RGPD5: variants seen among roughly 807,000 people sequenced by gnomAD.
The protein encoded by RGPD5 is RANBP2-like and GRIP domain-containing protein 5/6.
the RGPD5 span, among the ~76,000 whole-genome samples, chr2:109,763,286 A>G: frequency 3.3e-5 from 5 of 150,708 alleles, no homozygotes; most frequent in African/African-American, 1.2e-4. Flanking sequence ...GTTTTAGCTC[A>G]TTTAATTATA....
At chr2:109,760,679 G>A in the RGPD5 span, among the ~76,000 whole-genome samples, 1 of 145,522 alleles carries the variant, frequency 6.9e-6, no homozygotes, top group Non-Finnish European at 1.5e-5. Flanking sequence ...CTTCGGCGGC[G>A]GCGGCGGTAG....
chr2:109,778,419 C>T, the RGPD5 span, among the ~76,000 whole-genome samples: 12 of 149,644 alleles, frequency 8.0e-5, no homozygotes, highest in South Asian at 1.5e-3. Flanking sequence ...GTTGTTTCTC[C>T]GTATAAATCT....
At chr2:109,799,562 A>G (rs1676945858) in intron 1 of RGPD5, among the ~76,000 whole-genome samples, 1 of 4,328 alleles carries the variant, frequency 2.3e-4, no homozygotes, top group Non-Finnish European at 3.7e-4. Flanking sequence ...TCTTATCCAC[A>G]GTATTGCCTT....
chr2:109,794,418 G>A lies in RGPD5; in HGVS notation c.-48G>A. ...CCTCTTGGAAGTGGCGACTGCTGCG[G>A]GGCTGAGCGGTGCTCGCACGCGTCT... On this transcript the variant is annotated 5_prime_UTR_variant, in exon 1 of 23. Coordinates refer to ENST00000016946, the MANE Select transcript of RGPD5 (RefSeq NM_005054.3). 1 of 64,188 alleles carries A rather than the reference G, an allele frequency of 1.6e-5. No homozygotes were observed. Among genetic ancestry groups the A allele is most frequent in the Non-Finnish European group, 1.7e-5 (1 of 57,382 alleles). 4.0% of individuals were successfully genotyped at this position (64,188 alleles called of 1,614,324 possible).
the RGPD5 span, among the ~76,000 whole-genome samples, chr2:109,764,608 G>A: frequency 2.7e-5 from 4 of 149,104 alleles, no homozygotes; most frequent in Non-Finnish European, 5.9e-5. Flanking sequence ...TTCAACACTG[G>A]TGATTCAGAA....
At chr2:109,761,519 G>A in the RGPD5 span, among the ~76,000 whole-genome samples, 2 of 148,362 alleles carry the variant, frequency 1.3e-5, no homozygotes, top group Non-Finnish European at 3.0e-5. Context: ...TCCGTTTCTC[G>A]GGGATCTCAC....
chr2:109,766,361 A>G, the RGPD5 span, among the ~76,000 whole-genome samples: 3 of 150,514 alleles, frequency 2.0e-5, 1 homozygote, highest in East Asian at 6.2e-4. Flanking sequence ...TGTTTTGGAG[A>G]AAGCTGGGTG....
At chr2:109,766,249 G>A in the RGPD5 span, among the ~76,000 whole-genome samples, 3 of 151,250 alleles carry the variant, frequency 2.0e-5, no homozygotes, top group Non-Finnish European at 4.4e-5. Context: ...GGGCAGCAGT[G>A]GGGAAGGGGC....
At chr2:109,774,513 TA>T in the RGPD5 span, among the ~76,000 whole-genome samples, 12 of 67,110 alleles carry the variant, frequency 1.8e-4, 2 homozygotes, top group East Asian at 4.3e-3. Context: ...TATATATATA[TA>T]ATATATATTA....
chr2:109,761,200 CGAA>C, the RGPD5 span, among the ~76,000 whole-genome samples: 4 of 142,696 alleles, frequency 2.8e-5, no homozygotes, highest in East Asian at 8.8e-4. Context: ...GGTGCTGCTG[CGAA>C]GTGCCCTTAG....
the RGPD5 span, among the ~76,000 whole-genome samples, chr2:109,766,518 G>T: frequency 6.6e-6 from 1 of 150,586 alleles, no homozygotes; most frequent in African/African-American, 2.4e-5. Context: ...TGACGTTGAA[G>T]ATGAGTATTG....
chr2:109,763,097 T>C, the RGPD5 span, among the ~76,000 whole-genome samples: 1,804 of 150,334 alleles, frequency 0.012, 77 homozygotes, highest in Non-Finnish European at 0.018. Context: ...TATTTGAGTC[T>C]CTTAATCCTG....
At chr2:109,761,334 C>G in the RGPD5 span, among the ~76,000 whole-genome samples, 1 of 151,226 alleles carries the variant, frequency 6.6e-6, no homozygotes. Context: ...TTTCTCCGTG[C>G]CGGTATTCCA....
At chr2:109,762,351 G>A in the RGPD5 span, among the ~76,000 whole-genome samples, 7 of 150,210 alleles carry the variant, frequency 4.7e-5, 1 homozygote, top group South Asian at 4.3e-4. Flanking sequence ...GGTTTCTGGC[G>A]CAAATTCAAT....
At chr2:109,765,871 T>G in the RGPD5 span, among the ~76,000 whole-genome samples, 1 of 150,660 alleles carries the variant, frequency 6.6e-6, no homozygotes, top group Non-Finnish European at 1.5e-5. Context: ...CTTTTTAGAC[T>G]TTACTTCATG....
At chr2:109,767,288 T>C in the RGPD5 span, among the ~76,000 whole-genome samples, 8 of 149,682 alleles carry the variant, frequency 5.3e-5, no homozygotes, top group Non-Finnish European at 1.0e-4. Flanking sequence ...AACAGGACCC[T>C]GGGACGGTTT....
chr2:109,761,521 G>A, the RGPD5 span, among the ~76,000 whole-genome samples: 3 of 148,506 alleles, frequency 2.0e-5, no homozygotes, highest in Admixed American at 2.1e-4. Flanking sequence ...CGTTTCTCGG[G>A]GATCTCACAC....
the RGPD5 span, among the ~76,000 whole-genome samples, chr2:109,766,712 GA>G: frequency 2.1e-5 from 3 of 144,224 alleles, no homozygotes; most frequent in Non-Finnish European, 3.0e-5. Flanking sequence ...GGCAAATTAA[GA>G]AAAAAAACCT....
At chr2:109,777,277 C>CTT in the RGPD5 span, among the ~76,000 whole-genome samples, 1 of 148,658 alleles carries the variant, frequency 6.7e-6, no homozygotes, top group Non-Finnish European at 1.5e-5. Context: ...TTGTCAAAGG[C>CTT]TTTTCTACAT....
Sources: gnomAD v4.1 joint callset for allele counts (sites outside exome capture counted in the v4.1 genomes callset) on GRCh38, gnomAD v4.1.1 for gene constraint, MANE v1.5 for transcripts, NCBI Gene and HGNC (gene_info 2026-07-23, HGNC 2026-07-21) for gene names.